Variants in SPECC1L observed in about 807,000 individuals in gnomAD.
The protein encoded by SPECC1L is sperm antigen with calponin homology and coiled-coil domains 1 like.
SPECC1L carries 40 observed loss-of-function variants against 116.8 expected under a neutral mutation model. That is an observed-to-expected ratio of 0.34 (90% CI 0.27 to 0.45). The LOEUF (loss-of-function observed/expected upper bound fraction) is 0.45. Ranked by LOEUF, SPECC1L falls within the 20% of genes least tolerant of loss-of-function variation. SPECC1L has a pLI of 1.00. For synonymous variants in SPECC1L, 504 were observed against 500.6 expected, an observed-to-expected ratio of 1.01 and a Z score of -0.09; for missense variants, 1,110 against 1,373.6, an observed-to-expected ratio of 0.81 and a Z score of 3.03.
intron 6 of SPECC1L, 106 bp downstream of exon 6, chr22:24,324,533 G>A: frequency 9.7e-7 from 1 of 1,027,766 alleles, no homozygotes; most frequent in Non-Finnish European, 1.5e-6. Flanking sequence ...GCTCATGCCT[G>A]TAATTCCAGC....
intron 11 of SPECC1L, among the ~76,000 whole-genome samples, 158 bp from the exon 12 acceptor site, chr22:24,363,103 T>C (rs1238518403): frequency 1.3e-5 from 2 of 152,214 alleles, no homozygotes; most frequent in African/African-American, 4.8e-5. Flanking sequence ...GTGAGTTGTT[T>C]TGGATAAACA....
chr22:24,288,576 ATTTAG>A (rs1349827527), intron 2 of SPECC1L, among the ~76,000 whole-genome samples: 2 of 94,382 alleles, frequency 2.1e-5, no homozygotes, highest in African/African-American at 8.2e-5. Flanking sequence ...ATTTTAACTT[ATTTAG>A]TTTAGAAAGA....
At chr22:24,395,510 T>C (rs116738127) in intron 14 of SPECC1L, among the ~76,000 whole-genome samples, 2,189 of 150,390 alleles carry the variant, frequency 0.015, 62 homozygotes, top group African/African-American at 0.05. Context: ...TTCATCAGGG[T>C]CAATGACAGC....
rs2042776540 is a variant in SPECC1L, at chr22:24,415,100, C to A, written c.*477C>A. ...AGGAGAGTCAGCGCCTGGCAGTTCC[C>A]AGCGCCCTGGGCCCTTCACCGTCCT... On this transcript the variant is annotated 3_prime_UTR_variant, in exon 17 of 17. Transcript: ENST00000314328. 1.3e-5 allele frequency: 3 copies of A among 223,528 alleles called. No individual in the cohort carries two copies. The highest frequency in any genetic ancestry group is 1.8e-5 in the Non-Finnish European group (2 of 109,656). The allele number at this position is 223,528 out of a possible 1,614,324, so 13.8% of individuals were successfully genotyped here. A position where few individuals can be genotyped will look rare whatever the true frequency, so the allele number is the denominator to read the frequency against.
chr22:24,285,188 A>T (rs893255149), intron 2 of SPECC1L, among the ~76,000 whole-genome samples: 4 of 152,310 alleles, frequency 2.6e-5, no homozygotes, highest in African/African-American at 9.6e-5. Flanking sequence ...GTGGAAAGGG[A>T]GAGCTATATG....
intron 10 of SPECC1L, among the ~76,000 whole-genome samples, chr22:24,346,070 G>T (rs1008303700): frequency 6.6e-6 from 1 of 151,222 alleles, no homozygotes; most frequent in Non-Finnish European, 1.5e-5. Flanking sequence ...GCAGTGGCGC[G>T]ATCTCGGCTC....
intron 7 of SPECC1L, among the ~76,000 whole-genome samples, 180 bp from the exon 8 acceptor site, chr22:24,330,076 T>A (rs1230865093): frequency 6.6e-6 from 1 of 152,196 alleles, no homozygotes; most frequent in Non-Finnish European, 1.5e-5. Flanking sequence ...ACAAGTTCAC[T>A]AATAATAGTT....
chr22:24,283,478 A>G (rs956481064), intron 2 of SPECC1L, among the ~76,000 whole-genome samples: 6 of 152,160 alleles, frequency 3.9e-5, no homozygotes, highest in African/African-American at 1.2e-4. Context: ...GTTAGACTCA[A>G]TTTGCTAAAA....
chr22:24,273,483 C>T lies in SPECC1L; in HGVS notation c.-142+2500C>T, dbSNP rs567966103. 1.7e-3 allele frequency among the ~76,000 whole-genome samples: 252 copies of T among 151,816 alleles called. 3 individuals are homozygous for T. Among genetic ancestry groups the T allele is most frequent in the Non-Finnish European group, 3.2e-4 (22 of 67,968 alleles). ...ATAGTAAATGGTGATATATGGTAAA[C>T]GTAAATAGTAAATGCAAGGGTAGTT... On this transcript the variant is annotated intron_variant, in intron 1 of 16. Coordinates refer to ENST00000314328, the MANE Select transcript of SPECC1L (RefSeq NM_015330.6).
At chr22:24,380,141 G>C (rs1361143864) in intron 14 of SPECC1L, among the ~76,000 whole-genome samples, 1 of 152,212 alleles carries the variant, frequency 6.6e-6, no homozygotes, top group African/African-American at 2.4e-5. Flanking sequence ...AAAGTGCTGG[G>C]ATTAAAGGCG....
chr22:24,412,739 G>C, intron 16 of SPECC1L, 32 bp downstream of exon 16: 1 of 1,610,920 alleles, frequency 6.2e-7, no homozygotes, highest in Non-Finnish European at 8.5e-7. Flanking sequence ...TCACTGGCAG[G>C]GCCCTCCTTC....
chr22:24,393,866 A>G (rs1364374770), intron 14 of SPECC1L, among the ~76,000 whole-genome samples: 1 of 151,920 alleles, frequency 6.6e-6, no homozygotes, highest in Non-Finnish European at 1.5e-5. Context: ...CCATCCCCAC[A>G]CAGCCACTGA....
chr22:24,404,334 G>C (rs1419063470), intron 14 of SPECC1L, among the ~76,000 whole-genome samples: 2 of 152,078 alleles, frequency 1.3e-5, no homozygotes, highest in African/African-American at 4.8e-5. Context: ...CTGCTCTCCT[G>C]ACTCACGTGT....
At chr22:24,375,490 A>G (rs1156269807) in intron 14 of SPECC1L, among the ~76,000 whole-genome samples, 1 of 152,248 alleles carries the variant, frequency 6.6e-6, no homozygotes, top group East Asian at 1.9e-4. Flanking sequence ...GGTTCAACAT[A>G]TGAAAATGAA....
At chr22:24,399,704 A>G (rs945890948) in intron 14 of SPECC1L, among the ~76,000 whole-genome samples, 4 of 152,166 alleles carry the variant, frequency 2.6e-5, no homozygotes, top group Admixed American at 6.5e-5. Flanking sequence ...GGGGCAACGT[A>G]GTTGTGGTTA....
Position 24,308,813 on chromosome 22 carries a change from A to G in SPECC1L, c.154-4500A>G, listed in dbSNP as rs76912161. 7.4e-3 allele frequency among the ~76,000 whole-genome samples: 1,126 copies of G among 152,192 alleles called. 6 individuals carry two copies. Among genetic ancestry groups the G allele is most frequent in the South Asian group, 0.012 (59 of 4,820 alleles). The stretch of plus-strand genomic sequence containing the variant: ...CATTCTGCTACAAGGAAGAGTTTTT[A>G]CTTTCCCTTGGTTTATATATTCATT... On this transcript the variant is annotated intron_variant, in intron 3 of 16. Transcript: ENST00000314328.
chr22:24,324,159 C>G, intron 5 of SPECC1L, 61 bp from the exon 6 acceptor site: 1 of 1,423,556 alleles, frequency 7.0e-7, no homozygotes. Context: ...TACCTCAATT[C>G]TGGAACGTAC....
chr22:24,302,599 A>G (rs569062799), intron 3 of SPECC1L, among the ~76,000 whole-genome samples: 2 of 152,322 alleles, frequency 1.3e-5, no homozygotes, highest in Admixed American at 6.5e-5. Flanking sequence ...TCATGAAACA[A>G]TAATTGAGCA....
chr22:24,399,622 G>T (rs1451505102), intron 14 of SPECC1L, among the ~76,000 whole-genome samples: 1 of 152,084 alleles, frequency 6.6e-6, no homozygotes, highest in Non-Finnish European at 1.5e-5. Context: ...ACATACTATA[G>T]ATTTTGTTTT....
Sources: allele counts gnomAD v4.1 joint callset (sites outside exome capture counted in the v4.1 genomes callset), GRCh38; gene constraint gnomAD v4.1.1; transcripts MANE v1.5; gene names NCBI Gene and HGNC (gene_info 2026-07-23, HGNC 2026-07-21).